The following FGGY variants were observed in gnomAD, a reference collection of about 807,000 sequenced individuals.
FGGY encodes FGGY carbohydrate kinase domain-containing protein.
In FGGY, 72 loss-of-function variants were observed where a neutral mutation model predicts 71.3. The observed-to-expected ratio is 1.01, with a 90% CI of 0.84 to 1.23. The LOEUF (loss-of-function observed/expected upper bound fraction) is 1.23. FGGY is among the 50% of genes most tolerant of loss of function. The pLI, the probability that FGGY is intolerant of heterozygous loss-of-function variation, is 0.00. For missense variants in FGGY, 668 were observed against 682.3 expected, an observed-to-expected ratio of 0.98 and a Z score of 0.23; for synonymous variants, 251 against 250.3, an observed-to-expected ratio of 1.00 and a Z score of -0.02.
intron 8 of FGGY, among the ~76,000 whole-genome samples, chr1:59,577,202 G>A (rs1417930316): frequency 2.0e-5 from 3 of 152,316 alleles, no homozygotes; most frequent in East Asian, 3.9e-4. Context: ...CAATCACAGA[G>A]CATTCTGCTG....
chr1:59,653,162 C>T (rs2097182266), intron 11 of FGGY, among the ~76,000 whole-genome samples: 1 of 152,206 alleles, frequency 6.6e-6, no homozygotes, highest in African/African-American at 2.4e-5. Flanking sequence ...TCAAAGCTGT[C>T]AGACAGGGAC....
At chr1:59,733,681 G>C (rs1387754040) in intron 14 of FGGY, among the ~76,000 whole-genome samples, 1 of 152,104 alleles carries the variant, frequency 6.6e-6, no homozygotes, top group Admixed American at 6.6e-5. Flanking sequence ...CTCAGAACAA[G>C]GCAAGGCTGA....
At chr1:59,674,277 C>A (rs1014088273) in intron 14 of FGGY, 144 bp downstream of exon 14, 2 of 571,048 alleles carry the variant, frequency 3.5e-6, no homozygotes, top group Non-Finnish European at 6.3e-6. Context: ...ACAAACACTT[C>A]TAGCCTCAGA....
chr1:59,459,420 G>T (rs916326607), intron 6 of FGGY, among the ~76,000 whole-genome samples: 1 of 152,148 alleles, frequency 6.6e-6, no homozygotes, highest in Non-Finnish European at 1.5e-5. Flanking sequence ...ATAGTTTTGT[G>T]CATCAAAAGA....
intron 8 of FGGY, among the ~76,000 whole-genome samples, chr1:59,598,869 A>G (rs1029889395): frequency 1.3e-5 from 2 of 152,216 alleles, no homozygotes; most frequent in African/African-American, 4.8e-5. Flanking sequence ...GTAGTGATCT[A>G]ATTTACAAAC....
intron 14 of FGGY, among the ~76,000 whole-genome samples, chr1:59,718,336 C>G (rs938126534): frequency 2.6e-5 from 4 of 152,174 alleles, no homozygotes; most frequent in Non-Finnish European, 5.9e-5. Context: ...TAAGGCTTCT[C>G]TGATTCAGTA....
chr1:59,314,283 A>T (rs1366615376), intron 1 of FGGY, among the ~76,000 whole-genome samples: 2 of 152,198 alleles, frequency 1.3e-5, no homozygotes, highest in Non-Finnish European at 2.9e-5. Flanking sequence ...AAATTTTTTT[A>T]AAAGATGTGG....
At chr1:59,312,367 ACT>A (rs2044502545) in intron 1 of FGGY, among the ~76,000 whole-genome samples, 1 of 152,114 alleles carries the variant, frequency 6.6e-6, no homozygotes, top group South Asian at 2.1e-4. Flanking sequence ...CAGGATATTG[ACT>A]CTTTCAACAT....
At chr1:59,324,266 CTTTTT>C (rs71046329) in intron 2 of FGGY, among the ~76,000 whole-genome samples, 5 of 78,100 alleles carry the variant, frequency 6.4e-5, no homozygotes, top group South Asian at 5.1e-4. Context: ...ATAATAACTA[CTTTTT>C]TTTTTTTTTT....
intron 11 of FGGY, among the ~76,000 whole-genome samples, chr1:59,645,465 C>T (rs2097084489): frequency 6.6e-6 from 1 of 152,158 alleles, no homozygotes; most frequent in African/African-American, 2.4e-5. Flanking sequence ...CAGAGAAGCC[C>T]ACCAGTCCCT....
intron 5 of FGGY, among the ~76,000 whole-genome samples, chr1:59,436,076 G>A (rs75375054): frequency 1.6e-4 from 25 of 152,132 alleles, no homozygotes; most frequent in Non-Finnish European, 2.8e-4. Context: ...CCTCCCTACC[G>A]CGCTCAGGTT....
At chr1:59,449,377 A>G (rs1202667543) in intron 5 of FGGY, among the ~76,000 whole-genome samples, 3 of 152,136 alleles carry the variant, frequency 2.0e-5, no homozygotes, top group African/African-American at 7.2e-5. Context: ...TCCACCTTCC[A>G]GGTTCAAGCA....
chr1:59,628,398 A>C (rs1371441254), intron 10 of FGGY, among the ~76,000 whole-genome samples: 1 of 152,194 alleles, frequency 6.6e-6, no homozygotes, highest in Non-Finnish European at 1.5e-5. Context: ...AAAATTAAGA[A>C]ACTTAAATAC....
intron 7 of FGGY, among the ~76,000 whole-genome samples, chr1:59,548,899 A>G (rs1029105965): frequency 6.6e-6 from 1 of 152,232 alleles, no homozygotes; most frequent in African/African-American, 2.4e-5. Context: ...GATACTATTC[A>G]TATTGTAGAG....
intron 11 of FGGY, among the ~76,000 whole-genome samples, chr1:59,648,781 T>C (rs1036787578): frequency 6.6e-5 from 10 of 152,128 alleles, no homozygotes; most frequent in African/African-American, 2.4e-4. Flanking sequence ...ATTTTGGCTT[T>C]TGTTGCCATT....
chr1:59,533,725 C>G (rs12065325), intron 7 of FGGY, among the ~76,000 whole-genome samples: 1 of 152,178 alleles, frequency 6.6e-6, no homozygotes, highest in Non-Finnish European at 1.5e-5. Context: ...AGGCACCCCC[C>G]AGCAGGGGCA....
intron 6 of FGGY, among the ~76,000 whole-genome samples, chr1:59,497,726 C>T (rs2094086656): frequency 6.6e-6 from 1 of 152,204 alleles, no homozygotes; most frequent in South Asian, 2.1e-4. Context: ...TCACCTGTCT[C>T]CTTTCTGCAC....
intron 8 of FGGY, among the ~76,000 whole-genome samples, chr1:59,605,935 T>C (rs1414915877): frequency 6.6e-6 from 1 of 152,162 alleles, no homozygotes; most frequent in Non-Finnish European, 1.5e-5. Flanking sequence ...ATACAACTTG[T>C]ATGCCTAACT....
intron 14 of FGGY, among the ~76,000 whole-genome samples, chr1:59,756,708 C>T (rs4915686): frequency 0.38 from 57,990 of 151,888 alleles, 12,528 homozygotes; most frequent in Middle Eastern, 0.54. Flanking sequence ...GCTTACATTC[C>T]GGTTAGGGCA....
Sources: allele counts gnomAD v4.1 joint callset (sites outside exome capture counted in the v4.1 genomes callset), GRCh38; gene constraint gnomAD v4.1.1; transcripts MANE v1.5; gene names NCBI Gene and HGNC (gene_info 2026-07-23, HGNC 2026-07-21).